The following RAC1 variants were observed in gnomAD, a reference collection of about 807,000 sequenced individuals.
RAC1 encodes the protein Rac family small GTPase 1.
In RAC1, 2 loss-of-function variants were observed where a neutral mutation model predicts 25.2. That is an observed-to-expected ratio of 0.08 (90% confidence interval 0.03 to 0.25). The LOEUF is 0.25. RAC1 is among the 10% of genes least tolerant of loss of function. The pLI is 1.00. For synonymous variants in RAC1, 88 were observed against 94.0 expected (o/e 0.94, Z 0.37); for missense variants, 50 against 235.7 (o/e 0.21, Z 5.16).
intron 1 of RAC1, among the ~76,000 whole-genome samples, chr7:6,376,238 A>C (rs1011655035): frequency 1.2e-4 from 14 of 121,578 alleles, no homozygotes; most frequent in Admixed American, 1.1e-3. Context: ...GCTGGAGTGC[A>C]GTGGCACGAT....
chr7:6,374,784 C>A lies in RAC1; in HGVS notation c.35+14C>A. ...GGTGGGAGACGGGTGAGTGCGCGGCCGGGGCCGGGCTGGAGGCCGCGGGAT... is the reference window on the plus strand; with the variant it reads ...GGTGGGAGACGGGTGAGTGCGCGGCAGGGGCCGGGCTGGAGGCCGCGGGAT... On this transcript the variant is annotated intron_variant, in intron 1 of 5. Transcript: ENST00000348035. 1.8e-6 allele frequency: 2 copies of A among 1,127,276 alleles called. No individual in the cohort carries two copies. The highest frequency in any genetic ancestry group is 1.7e-5 in the African/African-American group (1 of 59,876). 69.8% of individuals were successfully genotyped at this position (1,127,276 alleles called of 1,614,324 possible).
intron 2 of RAC1, 104 bp downstream of exon 2, chr7:6,387,387 ATAC>A: frequency 1.2e-6 from 1 of 811,384 alleles, no homozygotes; most frequent in Non-Finnish European, 2.0e-6. Context: ...ATATGAACAG[ATAC>A]TAATTTTTTC....
At position 6,402,648 on chromosome 7, in the gene RAC1, T is replaced by C; in HGVS notation, c.*202T>C. The C allele has an allele frequency of 2.1e-6, 1 of 483,304 alleles. No individual in the cohort carries two copies. Among genetic ancestry groups the C allele is most frequent in the South Asian group, 4.6e-5 (1 of 21,904 alleles). 29.9% of individuals were successfully genotyped at this position (483,304 alleles called of 1,614,324 possible). ...TTTAAGGTTTTGTTTGTTCTAAATGTAAGAGTTCAGACTCACATTCTATTA... is the reference window on the plus strand; with the variant it reads ...TTTAAGGTTTTGTTTGTTCTAAATGCAAGAGTTCAGACTCACATTCTATTA... On this transcript the variant is annotated 3_prime_UTR_variant, in exon 6 of 6. Coordinates refer to ENST00000348035, the MANE Select transcript of RAC1 (RefSeq NM_006908.5).
chr7:6,385,701 G>A (rs1349539167), intron 1 of RAC1, among the ~76,000 whole-genome samples: 1 of 152,166 alleles, frequency 6.6e-6, no homozygotes, highest in Non-Finnish European at 1.5e-5. Flanking sequence ...GGCAAGACTG[G>A]CTGGGCCTGT....
chr7:6,394,962 C>T (rs1166266729), intron 3 of RAC1, among the ~76,000 whole-genome samples: 1 of 152,174 alleles, frequency 6.6e-6, no homozygotes, highest in Non-Finnish European at 1.5e-5. Flanking sequence ...TCACGCCATT[C>T]TCCTGCCTCA....
Position 6,402,784 on chromosome 7 carries a change from T to C in RAC1, c.*338T>C, listed in dbSNP as rs1157937761. 2 of 224,094 alleles carry C rather than the reference T, an allele frequency of 8.9e-6. No individual in the cohort carries two copies. Among genetic ancestry groups the C allele is most frequent in the Non-Finnish European group, 1.8e-5 (2 of 112,168 alleles). The allele number at this position is 224,094 out of a possible 1,614,324, so 13.9% of individuals were successfully genotyped here. ...AAAATACCTTCTGAACTACACTGCA[T>C]TGTTGTGCCGAGAACACCGAGCACT... is the stretch of plus-strand genomic sequence containing the variant. On this transcript the variant is annotated 3_prime_UTR_variant, in exon 6 of 6. Transcript: ENST00000348035.
At chr7:6,388,834 T>A (rs1782999574) in intron 2 of RAC1, among the ~76,000 whole-genome samples, 1 of 152,232 alleles carries the variant, frequency 6.6e-6, no homozygotes, top group Non-Finnish European at 1.5e-5. Context: ...TTGTCCCTTA[T>A]GTCTTTGTGT....
At chr7:6,396,729 TAAGTC>T (rs1053676631) in intron 3 of RAC1, among the ~76,000 whole-genome samples, 4 of 152,166 alleles carry the variant, frequency 2.6e-5, no homozygotes, top group Admixed American at 6.6e-5. Context: ...CTTTGAATGT[TAAGTC>T]AGGAAAGCTT....
chr7:6,403,925 C>T lies in RAC1; in HGVS notation c.*1479C>T, dbSNP rs1377740353. 1 of 220,334 alleles carries T rather than the reference C, an allele frequency of 4.5e-6. No individual in the cohort carries two copies. Among genetic ancestry groups the T allele is most frequent in the Non-Finnish European group, 9.1e-6 (1 of 109,778 alleles). The allele number at this position is 220,334 out of a possible 1,614,324, so 13.6% of individuals were successfully genotyped here. A position where few individuals can be genotyped will look rare whatever the true frequency, so the allele number is the denominator to read the frequency against. ...ATTGATCTTTTGCTAATGCAATTAG[C>T]ATTATGTTTTGCATGTATGACTTAA... is the stretch of plus-strand genomic sequence containing the variant. On this transcript the variant is annotated 3_prime_UTR_variant, in exon 6 of 6. Coordinates refer to ENST00000348035, the MANE Select transcript of RAC1 (RefSeq NM_006908.5).
At chr7:6,401,415 C>T (rs1783397076) in intron 4 of RAC1, among the ~76,000 whole-genome samples, 1 of 152,158 alleles carries the variant, frequency 6.6e-6, no homozygotes, top group African/African-American at 2.4e-5. Context: ...AAGTGAGGCC[C>T]TTCAGTAGGG....
chr7:6,384,912 C>G, intron 1 of RAC1, among the ~76,000 whole-genome samples: 1 of 152,090 alleles, frequency 6.6e-6, no homozygotes, highest in East Asian at 1.9e-4. Flanking sequence ...TTCAAGTGAT[C>G]CTCGTGCCTC....
At chr7:6,376,672 G>GTTTT (rs71008385) in intron 1 of RAC1, among the ~76,000 whole-genome samples, 1 of 99,958 alleles carries the variant, frequency 1.0e-5, no homozygotes. Context: ...CAGCTAATTT[G>GTTTT]TTTTTTTTTT....
intron 3 of RAC1, 80 bp downstream of exon 3, chr7:6,392,121 G>C (rs1783107790): frequency 6.3e-7 from 1 of 1,592,704 alleles, no homozygotes; most frequent in Admixed American, 1.7e-5. Context: ...GTTACCTATG[G>C]ACTTGCTTAT....
chr7:6,383,636 T>G (rs1392722613), intron 1 of RAC1, among the ~76,000 whole-genome samples: 5 of 152,100 alleles, frequency 3.3e-5, no homozygotes. Context: ...TTTATATTAG[T>G]AGTTTTGTTC....
rs1783314244 is a variant in RAC1, at chr7:6,398,661, G to C, written c.226-1465G>C. The C allele has an allele frequency of 3.1e-6, 5 of 1,613,684 alleles. No homozygotes were observed. Among genetic ancestry groups the C allele is most frequent in the Non-Finnish European group, 4.2e-6 (5 of 1,179,688 alleles). On this transcript the variant is annotated intron_variant, in intron 3 of 5. Coordinates refer to ENST00000348035, the MANE Select transcript of RAC1 (RefSeq NM_006908.5). ...CAAACCAAGTTCTCATGCATTACTA[G>C]GTTGGAGAAACGTACGGTAAGGATA...
At chr7:6,392,960 G>A (rs1205940567) in intron 3 of RAC1, among the ~76,000 whole-genome samples, 1 of 152,178 alleles carries the variant, frequency 6.6e-6, no homozygotes, top group South Asian at 2.1e-4. Flanking sequence ...GGGGCCAGCC[G>A]CTGTCAGAAT....
chr7:6,377,451 A>G (rs1376955377), intron 1 of RAC1, among the ~76,000 whole-genome samples: 2 of 151,856 alleles, frequency 1.3e-5, no homozygotes, highest in African/African-American at 4.8e-5. Flanking sequence ...AAAATTAGCT[A>G]GGTGTAGACA....
rs1427638276 is a variant in RAC1 at position 6,390,018 on chromosome 7, CCT to C, written c.108-1902_108-1901del. Among the ~76,000 whole-genome samples the C allele has an allele frequency of 6.2e-5, 7 of 113,664 alleles. No individual in the cohort carries two copies. The South Asian group carries it at 1.2e-3, about 20-fold the overall frequency. The allele number at this position is 113,664 out of a possible 152,430, so 74.6% of individuals were successfully genotyped here. ...TCCCTCCCTCTCTCCCTCCTTCCCT[CCT>C]CTCCTACTCCTTCCCTCCTTCCCTC... is the stretch of plus-strand genomic sequence containing the variant. On this transcript the variant is annotated intron_variant, in intron 2 of 5. Transcript: ENST00000348035.
At chr7:6,401,065 C>T (rs1030858856) in intron 4 of RAC1, among the ~76,000 whole-genome samples, 1 of 152,184 alleles carries the variant, frequency 6.6e-6, no homozygotes, top group African/African-American at 2.4e-5. Context: ...AAGCAATTCT[C>T]CTGCCTCAGC....
Sources: allele counts gnomAD v4.1 joint callset (sites outside exome capture counted in the v4.1 genomes callset), GRCh38; gene constraint gnomAD v4.1.1; transcripts MANE v1.5; gene names NCBI Gene and HGNC (gene_info 2026-07-23, HGNC 2026-07-21).